Variants in NRG1 observed in about 807,000 individuals in gnomAD.
NRG1 encodes pro-neuregulin-1, membrane-bound isoform.
Under a neutral mutation model 63.8 loss-of-function variants are expected in NRG1, and 18 were observed. The observed-to-expected ratio is 0.28, with a 90% CI of 0.19 to 0.42. The LOEUF (loss-of-function observed/expected upper bound fraction) is 0.42, where lower values mean the gene tolerates loss of function less well. Among genes scored for constraint, NRG1 ranks in the 10% least tolerant of loss-of-function variants. The pLI is 1.00. For missense variants in NRG1, 762 were observed against 814.7 expected, an observed-to-expected ratio of 0.94 and a Z score of 0.79; for synonymous variants, 302 against 301.3, an observed-to-expected ratio of 1.00 and a Z score of -0.02.
intron 1 of NRG1, among the ~76,000 whole-genome samples, chr8:32,398,675 T>G (rs1812765238): frequency 6.6e-6 from 1 of 152,166 alleles, no homozygotes; most frequent in African/African-American, 2.4e-5. Context: ...CCTTCCAAAG[T>G]GCTGGGATTA....
chr8:31,842,591 A>T (rs1274346093), intron 1 of NRG1, among the ~76,000 whole-genome samples: 3 of 151,614 alleles, frequency 2.0e-5, no homozygotes, highest in African/African-American at 7.3e-5. Flanking sequence ...CTACCTGACC[A>T]CTCCTTCCTG....
At chr8:32,249,284 A>C (rs189201908) in intron 1 of NRG1, among the ~76,000 whole-genome samples, 1 of 152,244 alleles carries the variant, frequency 6.6e-6, no homozygotes, top group Admixed American at 6.6e-5. Context: ...GAAATATTAC[A>C]TACTCTAACA....
At chr8:32,341,466 G>A (rs1804069359) in intron 1 of NRG1, among the ~76,000 whole-genome samples, 1 of 152,194 alleles carries the variant, frequency 6.6e-6, no homozygotes, top group Non-Finnish European at 1.5e-5. Context: ...GAGGAATGAG[G>A]CATTTCGCCT....
At chr8:32,319,724 C>A (rs189185856) in intron 1 of NRG1, among the ~76,000 whole-genome samples, 31 of 152,030 alleles carry the variant, frequency 2.0e-4, no homozygotes, top group Non-Finnish European at 3.7e-4. Context: ...AGGACATAGG[C>A]TAATAACATA....
intron 5 of NRG1, 100 bp from the exon 6 acceptor site, chr8:32,727,849 C>T: frequency 8.2e-7 from 1 of 1,212,700 alleles, no homozygotes; most frequent in South Asian, 1.5e-5. Context: ...AAATCTGTAC[C>T]TTATATGAAC....
intron 1 of NRG1, among the ~76,000 whole-genome samples, chr8:32,414,154 CT>C (rs1293032634): frequency 6.6e-6 from 1 of 152,114 alleles, no homozygotes; most frequent in Non-Finnish European, 1.5e-5. Flanking sequence ...TCATCACTGT[CT>C]TTAGGGACTC....
chr8:32,568,385 A>G (rs1275547159), intron 1 of NRG1, among the ~76,000 whole-genome samples: 2 of 152,204 alleles, frequency 1.3e-5, no homozygotes, highest in African/African-American at 2.4e-5. Flanking sequence ...CTAGTTCTTT[A>G]AGTTAAATTT....
intron 5 of NRG1, among the ~76,000 whole-genome samples, chr8:32,641,877 T>C (rs921224525): frequency 6.6e-6 from 1 of 152,224 alleles, no homozygotes; most frequent in African/African-American, 2.4e-5. Flanking sequence ...TCACCTATTT[T>C]GCATCATAAA....
chr8:32,305,025 A>G (rs1856027970), intron 1 of NRG1, among the ~76,000 whole-genome samples: 1 of 152,012 alleles, frequency 6.6e-6, no homozygotes. Flanking sequence ...CAATAAATAC[A>G]TAAAAATAAA....
chr8:32,359,782 A>G (rs1429433994), intron 1 of NRG1, among the ~76,000 whole-genome samples: 1 of 152,122 alleles, frequency 6.6e-6, no homozygotes, highest in Non-Finnish European at 1.5e-5. Context: ...TAGTAAAGTT[A>G]TTGTAAGGTA....
At chr8:32,391,864 G>A (rs1206034022) in intron 1 of NRG1, among the ~76,000 whole-genome samples, 1 of 152,112 alleles carries the variant, frequency 6.6e-6, no homozygotes, top group African/African-American at 2.4e-5. Context: ...TGATATTTTG[G>A]ATGTACTTTT....
chr8:32,424,061 G>A (rs1216186751), intron 1 of NRG1, among the ~76,000 whole-genome samples: 1 of 152,182 alleles, frequency 6.6e-6, no homozygotes, highest in Non-Finnish European at 1.5e-5. Flanking sequence ...TCATCCAGCA[G>A]CTATCCGGGT....
intron 1 of NRG1, among the ~76,000 whole-genome samples, chr8:31,661,801 C>T (rs1261115171): frequency 6.6e-6 from 1 of 152,194 alleles, no homozygotes; most frequent in African/African-American, 2.4e-5. Context: ...CTTAGGATCT[C>T]CATATTCATA....
chr8:31,715,844 T>A (rs1329467421), intron 1 of NRG1, among the ~76,000 whole-genome samples: 1 of 152,172 alleles, frequency 6.6e-6, no homozygotes, highest in African/African-American at 2.4e-5. Context: ...GAAGGCAGTC[T>A]TCTAGGTATC....
intron 1 of NRG1, among the ~76,000 whole-genome samples, chr8:32,148,450 G>A (rs921880238): frequency 6.6e-6 from 1 of 152,202 alleles, no homozygotes; most frequent in African/African-American, 2.4e-5. Flanking sequence ...TCAGGCTGGA[G>A]TGCAGTGGCG....
intron 1 of NRG1, among the ~76,000 whole-genome samples, chr8:31,815,964 G>A (rs996532049): frequency 2.0e-5 from 3 of 152,070 alleles, no homozygotes; most frequent in African/African-American, 7.2e-5. Flanking sequence ...CTCCTTTGGA[G>A]AAGTATCTGT....
chr8:32,319,327 G>A (rs1801110470), intron 1 of NRG1, among the ~76,000 whole-genome samples: 1 of 152,176 alleles, frequency 6.6e-6, no homozygotes. Flanking sequence ...ATGACTTTAA[G>A]TAAGAAAATG....
chr8:32,094,972 C>T (rs1307563807), intron 1 of NRG1, among the ~76,000 whole-genome samples: 1 of 148,502 alleles, frequency 6.7e-6, no homozygotes, highest in Non-Finnish European at 1.5e-5. Context: ...AGTGCACTGG[C>T]GTGATCTCGG....
intron 1 of NRG1, among the ~76,000 whole-genome samples, chr8:31,796,066 CA>C (rs1418984318): frequency 6.6e-6 from 1 of 151,694 alleles, no homozygotes; most frequent in Non-Finnish European, 1.5e-5. Flanking sequence ...GTAATCTTTG[CA>C]AAAAAAATTT....
Sources: gnomAD v4.1 joint callset for allele counts (sites outside exome capture counted in the v4.1 genomes callset) on GRCh38, gnomAD v4.1.1 for gene constraint, MANE v1.5 for transcripts, NCBI Gene and HGNC (gene_info 2026-07-23, HGNC 2026-07-21) for gene names.